Variants in PPP2R3A observed in about 807,000 individuals in gnomAD.
PPP2R3A encodes the protein protein phosphatase 2 regulatory subunit B''alpha, also known as serine/threonine-protein phosphatase 2A regulatory subunit B'' subunit alpha.
In PPP2R3A, 80 loss-of-function variants were observed where a neutral mutation model predicts 106.9. The ratio of observed to expected loss-of-function variants is 0.75; its 90% confidence interval spans 0.62 to 0.90. The LOEUF is 0.90. PPP2R3A is among the 40% of genes least tolerant of loss of function. PPP2R3A has a pLI of 0.00. For missense variants in PPP2R3A, 1,386 were observed against 1,350.4 expected (o/e 1.03, Z -0.41); for synonymous variants, 483 against 468.3 (o/e 1.03, Z -0.41).
intron 13 of PPP2R3A, among the ~76,000 whole-genome samples, chr3:136,109,626 C>G (rs1233373635): frequency 6.6e-6 from 1 of 152,124 alleles, no homozygotes; most frequent in Non-Finnish European, 1.5e-5. Flanking sequence ...TATTAGGCCA[C>G]AAACAACACT....
At chr3:136,005,261 C>G (rs946143832) in intron 2 of PPP2R3A, among the ~76,000 whole-genome samples, 1 of 152,114 alleles carries the variant, frequency 6.6e-6, no homozygotes, top group Non-Finnish European at 1.5e-5. Context: ...GGGCCCCATC[C>G]CCAAGGTATC....
intron 2 of PPP2R3A, among the ~76,000 whole-genome samples, chr3:136,012,977 C>T (rs573531061): frequency 6.6e-6 from 1 of 152,252 alleles, no homozygotes; most frequent in South Asian, 2.1e-4. Context: ...TCCCCGAAGT[C>T]CATTCTGTCA....
At position 136,144,047 on chromosome 3, in the gene PPP2R3A, A is replaced by G. The variant is rs189671398; in HGVS notation, c.3330-996A>G. On this transcript the variant is annotated intron_variant, in intron 13 of 13. Coordinates refer to ENST00000264977, the MANE Select transcript of PPP2R3A (RefSeq NM_002718.5). Reference sequence around the variant, plus strand: ...ATATCTACATATGAGGCTCAGAGATATAGCCTCAGAATATTTATCAATATT... The same window carrying G: ...ATATCTACATATGAGGCTCAGAGATGTAGCCTCAGAATATTTATCAATATT... 3.6e-3 allele frequency among the ~76,000 whole-genome samples: 552 copies of G among 152,356 alleles called. 2 individuals are homozygous for G. Among genetic ancestry groups the G allele is most frequent in the Non-Finnish European group, 6.1e-3 (417 of 68,028 alleles).
chr3:136,131,679 T>C (rs1057029891), intron 13 of PPP2R3A, among the ~76,000 whole-genome samples: 2 of 152,154 alleles, frequency 1.3e-5, no homozygotes, highest in African/African-American at 2.4e-5. Context: ...ACCCAAAGGA[T>C]TATACATCAT....
chr3:135,993,115 T>G (rs1933243799), intron 1 of PPP2R3A, among the ~76,000 whole-genome samples: 1 of 152,036 alleles, frequency 6.6e-6, no homozygotes, highest in African/African-American at 2.4e-5. Flanking sequence ...CTTACAGAAT[T>G]AAAACCTCCT....
intron 13 of PPP2R3A, among the ~76,000 whole-genome samples, chr3:136,117,926 A>G (rs1937839673): frequency 1.3e-5 from 2 of 152,222 alleles, no homozygotes; most frequent in African/African-American, 4.8e-5. Context: ...ACAACAAAAA[A>G]AGAGAATCTC....
intron 8 of PPP2R3A, among the ~76,000 whole-genome samples, chr3:136,086,118 G>A (rs993696800): frequency 6.6e-6 from 1 of 151,202 alleles, no homozygotes; most frequent in Admixed American, 6.6e-5. Flanking sequence ...GCGACAGGGA[G>A]ACCCTGTCTC....
intron 2 of PPP2R3A, among the ~76,000 whole-genome samples, chr3:136,003,915 C>T (rs1286644893): frequency 6.6e-6 from 1 of 152,186 alleles, no homozygotes; most frequent in Non-Finnish European, 1.5e-5. Context: ...CCAGTTGTTA[C>T]TGCATGCCTG....
chr3:136,034,335 C>A (rs533896090), intron 3 of PPP2R3A, among the ~76,000 whole-genome samples: 1 of 152,256 alleles, frequency 6.6e-6, no homozygotes, highest in Non-Finnish European at 1.5e-5. Context: ...GCGCCCAGCC[C>A]AGACTTTTTG....
At chr3:135,968,480 GGAA>G (rs1167093714) in intron 1 of PPP2R3A, among the ~76,000 whole-genome samples, 1 of 152,174 alleles carries the variant, frequency 6.6e-6, no homozygotes, top group Non-Finnish European at 1.5e-5. Context: ...AATACCTTGA[GGAA>G]GAAAGGAACA....
At chr3:136,129,503 T>G (rs951735269) in intron 13 of PPP2R3A, among the ~76,000 whole-genome samples, 2 of 151,960 alleles carry the variant, frequency 1.3e-5, no homozygotes, top group Admixed American at 1.3e-4. Flanking sequence ...AATAACAGGC[T>G]CTGAAATTGA....
intron 13 of PPP2R3A, among the ~76,000 whole-genome samples, chr3:136,111,923 C>G (rs1214970723): frequency 6.6e-6 from 1 of 152,152 alleles, no homozygotes; most frequent in Non-Finnish European, 1.5e-5. Context: ...AATTCAGCAG[C>G]ACATCAAAAA....
intron 3 of PPP2R3A, among the ~76,000 whole-genome samples, chr3:136,039,849 GT>G (rs149125607): frequency 0.032 from 4,842 of 151,806 alleles, 268 homozygotes; most frequent in African/African-American, 0.11. Context: ...TCTCCTTCAG[GT>G]TTTTTTTAAT....
At chr3:136,089,597 T>C (rs940169128) in intron 9 of PPP2R3A, among the ~76,000 whole-genome samples, 3 of 150,050 alleles carry the variant, frequency 2.0e-5, no homozygotes, top group African/African-American at 7.5e-5. Context: ...AATTTTAGAA[T>C]GGTGTTGTTT....
chr3:136,046,820 G>A (rs1156951255), intron 4 of PPP2R3A, among the ~76,000 whole-genome samples: 2 of 152,196 alleles, frequency 1.3e-5, no homozygotes, highest in Non-Finnish European at 2.9e-5. Context: ...TGAAATACAG[G>A]AGAAAGTTGA....
rs1938006625 is a variant in PPP2R3A at position 136,121,800 on chromosome 3, T to G, written c.3329+15478T>G. 2.6e-5 allele frequency among the ~76,000 whole-genome samples: 4 copies of G among 152,250 alleles called. No individual in the cohort carries two copies. The South Asian group carries it at 8.3e-4, about 32-fold the overall frequency. On this transcript the variant is annotated intron_variant, in intron 13 of 13. Transcript: ENST00000264977. ...AAAAATGGAAACTCAGCAGAAGATT[T>G]GGAAGATGAAATTGAGAATATTTTC...
chr3:136,057,789 G>A (rs981479443), intron 5 of PPP2R3A, among the ~76,000 whole-genome samples: 5 of 152,160 alleles, frequency 3.3e-5, no homozygotes, highest in Middle Eastern at 3.4e-3. Flanking sequence ...TCAAAAAGAC[G>A]AAAGATAACA....
intron 5 of PPP2R3A, among the ~76,000 whole-genome samples, chr3:136,049,905 G>A (rs1008306418): frequency 3.3e-5 from 5 of 152,166 alleles, no homozygotes; most frequent in Non-Finnish European, 7.3e-5. Flanking sequence ...TAGAATAGGA[G>A]AAGGGAAAGA....
chr3:136,055,690 C>A (rs1200142134), intron 5 of PPP2R3A: 4 of 896,072 alleles, frequency 4.5e-6, no homozygotes, highest in African/African-American at 1.7e-5. Flanking sequence ...CTGTGGTTTG[C>A]ACCCTAAGAC....
Sources: gnomAD v4.1 joint callset for allele counts (sites outside exome capture counted in the v4.1 genomes callset) on GRCh38, gnomAD v4.1.1 for gene constraint, MANE v1.5 for transcripts, NCBI Gene and HGNC (gene_info 2026-07-23, HGNC 2026-07-21) for gene names.